The following GRM8 variants were observed in gnomAD, a reference collection of about 807,000 sequenced individuals.
The protein encoded by GRM8 is glutamate metabotropic receptor 8.
Under a neutral mutation model 87.2 loss-of-function variants are expected in GRM8, and 47 were observed. That is an observed-to-expected ratio of 0.54 (90% CI 0.43 to 0.69). The LOEUF (loss-of-function observed/expected upper bound fraction) is 0.69, where lower values mean the gene tolerates loss of function less well. Among genes scored for constraint, GRM8 ranks in the 30% least tolerant of loss-of-function variants. The pLI is 0.00. For synonymous variants in GRM8, 396 were observed against 404.5 expected (o/e 0.98, Z 0.25); for missense variants, 1,019 against 1,139.2 (o/e 0.89, Z 1.52).
chr7:127,001,177 C>T (rs1351844091), intron 3 of GRM8, among the ~76,000 whole-genome samples: 2 of 151,526 alleles, frequency 1.3e-5, no homozygotes, highest in Non-Finnish European at 3.0e-5. Context: ...AAAATGTTTT[C>T]AACATATTGT....
At chr7:126,656,571 G>C (rs1457513041) in intron 7 of GRM8, among the ~76,000 whole-genome samples, 3 of 152,146 alleles carry the variant, frequency 2.0e-5, no homozygotes, top group Non-Finnish European at 4.4e-5. Context: ...AGGAGGCTGA[G>C]GCAGGAGAAT....
chr7:126,541,148 G>A (rs1214288656), intron 8 of GRM8, among the ~76,000 whole-genome samples: 2 of 152,146 alleles, frequency 1.3e-5, no homozygotes, highest in Non-Finnish European at 2.9e-5. Flanking sequence ...ACAGCTCACA[G>A]TGAGTCTCCC....
chr7:127,157,567 G>A (rs1792815948), intron 2 of GRM8, among the ~76,000 whole-genome samples: 1 of 152,020 alleles, frequency 6.6e-6, no homozygotes, highest in African/African-American at 2.4e-5. Flanking sequence ...CCTTATTAAT[G>A]AGAACACAAC....
intron 7 of GRM8, among the ~76,000 whole-genome samples, chr7:126,712,820 C>T (rs571636735): frequency 3.4e-4 from 52 of 152,116 alleles, no homozygotes; most frequent in African/African-American, 9.6e-4. Flanking sequence ...GACATTTATG[C>T]GGCTAAGAAA....
chr7:126,887,755 G>A (rs1382879045), intron 6 of GRM8, among the ~76,000 whole-genome samples: 10 of 152,156 alleles, frequency 6.6e-5, no homozygotes, highest in Non-Finnish European at 1.5e-4. Context: ...GTTCTCCAGG[G>A]GAACGTGTGA....
intron 2 of GRM8, among the ~76,000 whole-genome samples, chr7:127,212,417 T>TA (rs1442014594): frequency 1.9e-4 from 24 of 123,578 alleles, no homozygotes; most frequent in Non-Finnish European, 3.3e-4. Flanking sequence ...GTTATTTTTT[T>TA]TTTTTTTTTT....
chr7:127,251,779 G>A (rs1436186304), intron 1 of GRM8, among the ~76,000 whole-genome samples: 3 of 151,932 alleles, frequency 2.0e-5, no homozygotes, highest in Non-Finnish European at 4.4e-5. Flanking sequence ...GTTGGGGTGC[G>A]TTTGCCTTTG....
chr7:126,564,168 A>G (rs1352445945), intron 8 of GRM8, among the ~76,000 whole-genome samples: 4 of 152,232 alleles, frequency 2.6e-5, no homozygotes, highest in African/African-American at 9.6e-5. Context: ...CCACTGGGCA[A>G]TGAGACATCT....
chr7:127,233,110 G>T (rs906558320), intron 2 of GRM8, among the ~76,000 whole-genome samples: 2 of 152,170 alleles, frequency 1.3e-5, no homozygotes, highest in Admixed American at 1.3e-4. Flanking sequence ...GATTACAGGT[G>T]TGAGCCACCG....
At chr7:127,173,888 G>A (rs906977718) in intron 2 of GRM8, among the ~76,000 whole-genome samples, 1 of 152,102 alleles carries the variant, frequency 6.6e-6, no homozygotes, top group Non-Finnish European at 1.5e-5. Context: ...CTAAAACTTT[G>A]ACCATTTGAG....
chr7:127,109,010 G>A (rs987281991), intron 2 of GRM8, among the ~76,000 whole-genome samples: 5 of 152,124 alleles, frequency 3.3e-5, no homozygotes, highest in Non-Finnish European at 7.4e-5. Context: ...AGACCCCTAA[G>A]CATTGGTTCA....
intron 2 of GRM8, chr7:127,229,328 G>T (rs1797539024): frequency 6.6e-6 from 1 of 152,164 alleles, no homozygotes; most frequent in African/African-American, 2.4e-5. Context: ...GTGGTGCTGG[G>T]TTTTTTCATT....
chr7:126,862,717 G>A (rs141030954), intron 6 of GRM8, among the ~76,000 whole-genome samples: 1 of 152,066 alleles, frequency 6.6e-6, no homozygotes, highest in East Asian at 1.9e-4. Flanking sequence ...AAATCGTTCA[G>A]TTAGTCTAAG....
chr7:126,681,589 T>C (rs777478326), intron 7 of GRM8, among the ~76,000 whole-genome samples: 3 of 152,370 alleles, frequency 2.0e-5, no homozygotes, highest in South Asian at 2.1e-4. Flanking sequence ...ACTTGGAGAT[T>C]TGAGGGTTCT....
intron 6 of GRM8, among the ~76,000 whole-genome samples, chr7:126,835,173 AC>A (rs1487590826): frequency 6.6e-6 from 1 of 152,202 alleles, no homozygotes. Flanking sequence ...GTATTTCCCT[AC>A]AAAAATTCAA....
chr7:126,518,014 G>C (rs531385781), intron 9 of GRM8, among the ~76,000 whole-genome samples: 2 of 152,076 alleles, frequency 1.3e-5, no homozygotes, highest in East Asian at 3.9e-4. Context: ...AAGAGAAAAA[G>C]ACATAAAAGG....
At chr7:127,150,217 A>G (rs1828779547) in intron 2 of GRM8, among the ~76,000 whole-genome samples, 1 of 152,118 alleles carries the variant, frequency 6.6e-6, no homozygotes, top group African/African-American at 2.4e-5. Context: ...AGACAGGCAT[A>G]GAATGGAGGG....
chr7:126,440,415 A>AG (rs1801338563), intron 10 of GRM8, among the ~76,000 whole-genome samples: 1 of 150,602 alleles, frequency 6.6e-6, no homozygotes, highest in Non-Finnish European at 1.5e-5. Context: ...CATCTCAAAA[A>AG]AAAAAAAAAA....
At chr7:127,206,140 C>T (rs989513869) in intron 2 of GRM8, among the ~76,000 whole-genome samples, 2 of 152,120 alleles carry the variant, frequency 1.3e-5, no homozygotes, top group African/African-American at 4.8e-5. Context: ...GCTGTGCATC[C>T]CAGGCTCTTC....
Sources: allele counts gnomAD v4.1 joint callset (sites outside exome capture counted in the v4.1 genomes callset), GRCh38; gene constraint gnomAD v4.1.1; transcripts MANE v1.5; gene names NCBI Gene and HGNC (gene_info 2026-07-23, HGNC 2026-07-21).